The following HEMK2 variants were observed in gnomAD, a reference collection of about 807,000 sequenced individuals.
The protein encoded by HEMK2 is methyltransferase HEMK2.
the HEMK2 span, among the ~76,000 whole-genome samples, chr21:28,814,382 G>A: frequency 5.3e-5 from 8 of 151,774 alleles, no homozygotes; most frequent in East Asian, 1.9e-4. Context: ...ATTGACAAAC[G>A]GGATCTAATT....
At chr21:28,730,452 T>A in the HEMK2 span, among the ~76,000 whole-genome samples, 1 of 143,050 alleles carries the variant, frequency 7.0e-6, no homozygotes, top group African/African-American at 2.8e-5. Flanking sequence ...GGGATCTGGG[T>A]ACGGCATGGC....
the HEMK2 span, among the ~76,000 whole-genome samples, chr21:28,619,369 A>G: frequency 6.6e-6 from 1 of 152,250 alleles, no homozygotes; most frequent in Admixed American, 6.5e-5. Flanking sequence ...TTAAGAGAAC[A>G]TGAAGTAAAT....
chr21:28,742,043 C>T, the HEMK2 span, among the ~76,000 whole-genome samples: 34,802 of 152,064 alleles, frequency 0.23, 4,629 homozygotes, highest in African/African-American at 0.35. Flanking sequence ...GGCAAACTAT[C>T]GCTCAGGACC....
the HEMK2 span, among the ~76,000 whole-genome samples, chr21:28,705,484 T>A: frequency 2.6e-5 from 4 of 152,046 alleles, no homozygotes; most frequent in African/African-American, 9.7e-5. Context: ...ACATAATATC[T>A]CTTGGCTTCT....
chr21:28,816,191 G>A, the HEMK2 span, among the ~76,000 whole-genome samples: 1 of 152,138 alleles, frequency 6.6e-6, no homozygotes, highest in Non-Finnish European at 1.5e-5. Flanking sequence ...TGTTATTTCA[G>A]CCACCCAGCC....
the HEMK2 span, among the ~76,000 whole-genome samples, chr21:28,787,438 G>T: frequency 0.019 from 2 of 104 alleles, no homozygotes; most frequent in Non-Finnish European, 0.04. Flanking sequence ...CCCACAGAGT[G>T]GGAGAAACCT....
chr21:28,712,373 A>T, the HEMK2 span, among the ~76,000 whole-genome samples: 1 of 152,358 alleles, frequency 6.6e-6, no homozygotes, highest in African/African-American at 2.4e-5. Context: ...GAAGAGGCAA[A>T]ATAAGTTGGA....
chr21:28,783,950 G>A, the HEMK2 span, among the ~76,000 whole-genome samples: 1 of 152,172 alleles, frequency 6.6e-6, no homozygotes, highest in African/African-American at 2.4e-5. Flanking sequence ...CCAGCCTGCC[G>A]GCGCTGAGCT....
At chr21:28,767,556 G>C in the HEMK2 span, among the ~76,000 whole-genome samples, 1 of 147,700 alleles carries the variant, frequency 6.8e-6, no homozygotes, top group African/African-American at 2.5e-5. Flanking sequence ...CAATTGGCAA[G>C]AGCAACAACA....
the HEMK2 span, among the ~76,000 whole-genome samples, chr21:28,660,955 C>A: frequency 5.9e-5 from 9 of 152,018 alleles, no homozygotes; most frequent in African/African-American, 2.2e-4. Context: ...TTTTTTAAGG[C>A]CAGTTTGGTA....
the HEMK2 span, chr21:28,873,560 G>T: frequency 3.9e-5 from 6 of 152,242 alleles, no homozygotes; most frequent in Non-Finnish European, 8.8e-5. Context: ...TGGATCATTA[G>T]TGGTCCTGTC....
chr21:28,862,148 G>A, the HEMK2 span, among the ~76,000 whole-genome samples: 1 of 152,166 alleles, frequency 6.6e-6, no homozygotes, highest in Non-Finnish European at 1.5e-5. Flanking sequence ...ATAGAATACA[G>A]GAGATTAATT....
chr21:28,882,815 T>C, the HEMK2 span, among the ~76,000 whole-genome samples: 1 of 152,232 alleles, frequency 6.6e-6, no homozygotes, highest in African/African-American at 2.4e-5. Flanking sequence ...TTACGTAGTA[T>C]GATGGAGCAG....
At chr21:28,672,617 C>A in the HEMK2 span, among the ~76,000 whole-genome samples, 35 of 152,028 alleles carry the variant, frequency 2.3e-4, no homozygotes, top group Admixed American at 6.6e-4. Flanking sequence ...TGTTCCCCAA[C>A]CAGTGTACAC....
the HEMK2 span, among the ~76,000 whole-genome samples, chr21:28,589,552 A>G: frequency 6.6e-6 from 1 of 152,146 alleles, no homozygotes; most frequent in African/African-American, 2.4e-5. Context: ...AGCATTATGC[A>G]TGTAGGCTGA....
the HEMK2 span, among the ~76,000 whole-genome samples, chr21:28,869,916 T>A: frequency 6.6e-6 from 1 of 152,206 alleles, no homozygotes; most frequent in Non-Finnish European, 1.5e-5. Context: ...CAAGAAACTC[T>A]CTGGCCAACT....
the HEMK2 span, among the ~76,000 whole-genome samples, chr21:28,785,974 C>G: frequency 6.6e-6 from 1 of 152,200 alleles, no homozygotes; most frequent in Non-Finnish European, 1.5e-5. Flanking sequence ...TGTTTATATT[C>G]CTTGTTCACA....
At chr21:28,864,981 G>A in the HEMK2 span, among the ~76,000 whole-genome samples, 557 of 149,056 alleles carry the variant, frequency 3.7e-3, 4 homozygotes, top group African/African-American at 0.013. Flanking sequence ...ACCAAGCGTC[G>A]TCCCTTCCTT....
chr21:28,826,687 C>T, the HEMK2 span, among the ~76,000 whole-genome samples: 58 of 152,272 alleles, frequency 3.8e-4, no homozygotes, highest in African/African-American at 1.3e-3. Context: ...TAAACCATCA[C>T]AAAATCCGAA....
Sources: allele counts gnomAD v4.1 joint callset (sites outside exome capture counted in the v4.1 genomes callset), GRCh38; gene constraint gnomAD v4.1.1; transcripts MANE v1.5; gene names NCBI Gene and HGNC (gene_info 2026-07-23, HGNC 2026-07-21).